The following SDC2 variants were observed in gnomAD, a reference collection of about 807,000 sequenced individuals.
SDC2 encodes syndecan 2.
In SDC2, 13 loss-of-function variants were observed where a neutral mutation model predicts 22.2. The ratio of observed to expected loss-of-function variants is 0.59; its 90% CI spans 0.38 to 0.93. SDC2 has a LOEUF of 0.93. Among genes scored for constraint, SDC2 ranks in the 40% least tolerant of loss-of-function variants. The pLI is 0.00. For synonymous variants in SDC2, 94 were observed against 92.8 expected (o/e 1.01, Z -0.07); for missense variants, 235 against 246.8 (o/e 0.95, Z 0.32).
intron 1 of SDC2, among the ~76,000 whole-genome samples, chr8:96,590,636 T>A (rs1814765595): frequency 1.3e-5 from 2 of 152,136 alleles, no homozygotes; most frequent in South Asian, 2.1e-4. Flanking sequence ...GGTTTTTTTT[T>A]ATTTTTTATT....
chr8:96,540,111 G>A (rs1212713105), intron 1 of SDC2, among the ~76,000 whole-genome samples: 1 of 151,338 alleles, frequency 6.6e-6, no homozygotes, highest in Admixed American at 6.6e-5. Context: ...AATCATCTAT[G>A]ATTATGCCTT....
chr8:96,546,922 A>G lies in SDC2; in HGVS notation c.61-46558A>G, dbSNP rs542295769. ...AAACAAGCCTTTTGTCTGAATTTCC[A>G]TGTATTGATTAATGGACCCAGCAGA... On this transcript the variant is annotated intron_variant, in intron 1 of 4. Transcript: ENST00000302190. 6.6e-5 allele frequency among the ~76,000 whole-genome samples: 10 copies of G among 152,332 alleles called. No individual in the cohort carries two copies. In the South Asian group the frequency reaches 1.0e-3, roughly 16 times the overall value.
intron 1 of SDC2, among the ~76,000 whole-genome samples, chr8:96,510,011 T>A (rs2130438616): frequency 6.6e-6 from 1 of 152,328 alleles, no homozygotes; most frequent in African/African-American, 2.4e-5. Context: ...AGTAAGTTTA[T>A]CTGAGGATGT....
intron 1 of SDC2, among the ~76,000 whole-genome samples, chr8:96,554,440 G>A (rs1194683520): frequency 1.3e-5 from 2 of 152,064 alleles, no homozygotes; most frequent in Non-Finnish European, 2.9e-5. Context: ...AGGAAAAAAA[G>A]TAGGTTTTAA....
chr8:96,529,622 T>A (rs572505271), intron 1 of SDC2, among the ~76,000 whole-genome samples: 42 of 152,322 alleles, frequency 2.8e-4, no homozygotes, highest in Middle Eastern at 3.4e-3. Flanking sequence ...CAAGGCTGGT[T>A]TCAGGTGTGA....
chr8:96,564,786 A>C lies in SDC2; in HGVS notation c.61-28694A>C, dbSNP rs1814269602. ...GCTTACACGTGTTATCACATCCCAT[A>C]GGTAAGTGATGAAGTCTGCCGTGCC... On this transcript the variant is annotated intron_variant, in intron 1 of 4. Coordinates refer to ENST00000302190, the MANE Select transcript of SDC2 (RefSeq NM_002998.4). 2.0e-5 allele frequency among the ~76,000 whole-genome samples: 3 copies of C among 152,132 alleles called. No homozygotes were observed. The South Asian group carries it at 6.2e-4, about 31-fold the overall frequency.
chr8:96,541,755 A>C (rs772855339), intron 1 of SDC2, among the ~76,000 whole-genome samples: 30 of 152,192 alleles, frequency 2.0e-4, no homozygotes, highest in Admixed American at 1.3e-4. Flanking sequence ...AGATGAAAAG[A>C]GTTCTGGAGA....
intron 1 of SDC2, among the ~76,000 whole-genome samples, chr8:96,576,599 T>TTAG (rs377301248): frequency 5.5e-4 from 78 of 142,570 alleles, no homozygotes; most frequent in African/African-American, 2.0e-3. Flanking sequence ...TTTTGTATTT[T>TTAG]TAGTAGAGAC....
intron 1 of SDC2, among the ~76,000 whole-genome samples, chr8:96,511,823 T>G (rs1813332693): frequency 6.6e-6 from 1 of 151,998 alleles, no homozygotes. Context: ...GCCTCAAGGC[T>G]TACGTAACTC....
chr8:96,536,768 A>G (rs889915251), intron 1 of SDC2, among the ~76,000 whole-genome samples: 15 of 152,340 alleles, frequency 9.8e-5, no homozygotes, highest in African/African-American at 3.6e-4. Flanking sequence ...ATGCAAAGGT[A>G]GACCAGGTAG....
intron 1 of SDC2, among the ~76,000 whole-genome samples, chr8:96,576,368 G>GTTTTTATT (rs1481198542): frequency 6.0e-5 from 1 of 16,598 alleles, no homozygotes; most frequent in Non-Finnish European, 2.9e-4. Context: ...TTGGTAGTTT[G>GTTTTTATT]TTTTTGTTTT....
chr8:96,493,998 CCTTCCCGGAGCACCAA>C lies in SDC2; in HGVS notation c.-271_-256del, dbSNP rs1325939468. ...GAGCAAGAAGAGCTTCAGAGAGCAG[CCTTCCCGGAGCACCAA>C]CTCCGTGTCGGGAGTGCAGAAACCA... On this transcript the variant is annotated 5_prime_UTR_variant, in exon 1 of 5. Coordinates refer to ENST00000302190, the MANE Select transcript of SDC2 (RefSeq NM_002998.4). The C allele has an allele frequency of 3.9e-6, 2 of 519,084 alleles. No homozygotes were observed. Among genetic ancestry groups the C allele is most frequent in the African/African-American group, 4.1e-5 (2 of 49,018 alleles). 32.2% of individuals were successfully genotyped at this position (519,084 alleles called of 1,614,324 possible).
At chr8:96,552,812 T>A (rs2130541480) in intron 1 of SDC2, among the ~76,000 whole-genome samples, 1 of 152,344 alleles carries the variant, frequency 6.6e-6, no homozygotes, top group African/African-American at 2.4e-5. Context: ...TAAAATGGTA[T>A]CTACTTCCCC....
At chr8:96,505,214 A>G (rs1295698226) in intron 1 of SDC2, among the ~76,000 whole-genome samples, 1 of 152,212 alleles carries the variant, frequency 6.6e-6, no homozygotes, top group African/African-American at 2.4e-5. Context: ...CAAGTTGGAA[A>G]TTTAGTTAAG....
chr8:96,562,474 G>A (rs1215491775), intron 1 of SDC2, among the ~76,000 whole-genome samples: 1 of 152,174 alleles, frequency 6.6e-6, no homozygotes, highest in African/African-American at 2.4e-5. Context: ...GAGTCCCTGT[G>A]GGACTTGGTA....
chr8:96,495,714 C>T (rs1029801737), intron 1 of SDC2, among the ~76,000 whole-genome samples: 7 of 151,992 alleles, frequency 4.6e-5, no homozygotes, highest in African/African-American at 1.7e-4. Context: ...GACTGGGAAA[C>T]CTCTTTGGCA....
intron 1 of SDC2, among the ~76,000 whole-genome samples, chr8:96,534,122 C>A (rs1256333333): frequency 6.6e-6 from 1 of 152,232 alleles, no homozygotes; most frequent in Admixed American, 6.5e-5. Flanking sequence ...CTGCCGAGCC[C>A]ACGCCCACCT....
At chr8:96,606,047 A>C (rs868606470) in intron 3 of SDC2, among the ~76,000 whole-genome samples, 1 of 152,254 alleles carries the variant, frequency 6.6e-6, no homozygotes, top group Middle Eastern at 3.4e-3. Flanking sequence ...GGTATGTTAG[A>C]CTCTGTGGAG....
chr8:96,576,718 C>T (rs1045326915), intron 1 of SDC2, among the ~76,000 whole-genome samples: 22 of 151,958 alleles, frequency 1.4e-4, no homozygotes, highest in African/African-American at 5.1e-4. Context: ...CGCGCCCGGC[C>T]TATTCTCTTT....
Sources: allele counts gnomAD v4.1 joint callset (sites outside exome capture counted in the v4.1 genomes callset), GRCh38; gene constraint gnomAD v4.1.1; transcripts MANE v1.5; gene names NCBI Gene and HGNC (gene_info 2026-07-23, HGNC 2026-07-21).